The following SLC24A5 variants were observed in gnomAD, a reference collection of about 807,000 sequenced individuals.
SLC24A5 encodes solute carrier family 24 member 5.
In SLC24A5, 46 loss-of-function variants were observed where a neutral mutation model predicts 51.6. That is an observed-to-expected ratio of 0.89 (90% CI 0.70 to 1.14). The LOEUF (loss-of-function observed/expected upper bound fraction) is 1.14. Among genes scored for constraint, SLC24A5 ranks in the 50% most tolerant of loss-of-function variants. The pLI, the probability that SLC24A5 is intolerant of heterozygous loss-of-function variation, is 0.00. For missense variants in SLC24A5, 581 were observed against 604.1 expected (o/e 0.96, Z 0.40); for synonymous variants, 230 against 214.9 (o/e 1.07, Z -0.62).
At chr15:48,126,057 G>A (rs1041961224) in intron 2 of SLC24A5, among the ~76,000 whole-genome samples, 2 of 152,118 alleles carry the variant, frequency 1.3e-5, no homozygotes, top group Non-Finnish European at 2.9e-5. Flanking sequence ...CTCTGGCAGG[G>A]CCCCCGCTCG....
chr15:48,121,135 T>C lies in SLC24A5; in HGVS notation c.91T>C (p.Ser31Pro). ...ATAHLPLSGT[S>P]LPQRLPRATG... ...TGCACATCTGCCTCTCTCAGGGACC[T>C]CCCTGCCCCAACGTCTCCCAAGGGC... is the stretch of plus-strand genomic sequence containing the variant. Residue 31 changes from serine (S) to proline (P), a missense_variant, in exon 1 of 9, where the codon TCC becomes CCC. By Grantham distance (74) the Ser-to-Pro change is moderately conservative. Coordinates refer to ENST00000341459, the MANE Select transcript of SLC24A5 (RefSeq NM_205850.3). The C allele has an allele frequency of 6.2e-7, 1 of 1,613,560 alleles. No individual in the cohort carries two copies. Among genetic ancestry groups the C allele is most frequent in the South Asian group, 1.1e-5 (1 of 91,030 alleles).
Position 48,139,160 on chromosome 15 carries a change from A to T in SLC24A5, c.1063A>T (p.Met355Leu). ...ISAFTYILVWMVTITGETLEI... is the reference protein window; with the variant it reads ...ISAFTYILVWLVTITGETLEI... ...CGCATTTACATATATCCTGGTTTGG[A>T]TGGTCACAATAACTGGTATGTATTT... Residue 355 changes from methionine to leucine, a missense_variant, in exon 7 of 9, where the codon ATG (methionine) becomes TTG (leucine). By Grantham distance (15) the Met-to-Leu change is conservative. Transcript: ENST00000341459. 6.2e-7 allele frequency: 1 copy of T among 1,611,464 alleles called. No homozygotes were observed. Among genetic ancestry groups the T allele is most frequent in the African/African-American group, 1.3e-5 (1 of 74,966 alleles).
chr15:48,138,788 C>A, intron 6 of SLC24A5, 181 bp from the exon 7 acceptor site: 1 of 572,928 alleles, frequency 1.7e-6, no homozygotes. Flanking sequence ...ACATTGTCTG[C>A]CCTAAAGTTT....
At chr15:48,121,410 T>C (rs1436863585) in intron 1 of SLC24A5, among the ~76,000 whole-genome samples, 2 of 152,204 alleles carry the variant, frequency 1.3e-5, no homozygotes. Context: ...TGGAGACTTT[T>C]TGGTGAAAAC....
At chr15:48,141,380 C>A in intron 8 of SLC24A5, 166 bp downstream of exon 8, 1 of 473,784 alleles carries the variant, frequency 2.1e-6, no homozygotes, top group East Asian at 4.0e-5. Context: ...AGTTTGAGAC[C>A]AGCCTGACCA....
chr15:48,125,624 T>C (rs185586143), intron 2 of SLC24A5, among the ~76,000 whole-genome samples: 10 of 152,338 alleles, frequency 6.6e-5, no homozygotes, highest in African/African-American at 1.9e-4. Flanking sequence ...CCACAGTTAC[T>C]ATGGAGGAAG....
Position 48,122,044 on chromosome 15 carries a change from G to A in SLC24A5, c.301+8G>A. The stretch of plus-strand genomic sequence containing the variant: ...TGGAAATCATCAGTGAATGTAAGTG[G>A]CTGGAAAGTTGCCCTGTAACCTTCT... On this transcript the variant is annotated splice_region_variant and intron_variant, in intron 2 of 8. Coordinates refer to ENST00000341459, the MANE Select transcript of SLC24A5 (RefSeq NM_205850.3). 1 of 1,614,068 alleles carries A rather than the reference G, an allele frequency of 6.2e-7. No individual in the cohort carries two copies. Among genetic ancestry groups the A allele is most frequent in the East Asian group, 2.2e-5 (1 of 44,890 alleles).
At chr15:48,140,089 CTTTT>C (rs747308972) in intron 7 of SLC24A5, 2 of 151,720 alleles carry the variant, frequency 1.3e-5, no homozygotes, top group Non-Finnish European at 2.9e-5. Context: ...CTACTTCTTC[CTTTT>C]TTTAATGAGA....
chr15:48,136,434 T>A (rs2038900859), intron 5 of SLC24A5: 1 of 335,356 alleles, frequency 3.0e-6, no homozygotes, highest in African/African-American at 2.1e-5. Flanking sequence ...AATCTACAAG[T>A]AAAAACGAGT....
At chr15:48,128,654 G>C (rs1227154195) in intron 2 of SLC24A5, among the ~76,000 whole-genome samples, 1 of 152,088 alleles carries the variant, frequency 6.6e-6, no homozygotes, top group African/African-American at 2.4e-5. Flanking sequence ...CTTTACTAAA[G>C]AACAAAGAAT....
At chr15:48,128,130 TG>T (rs541300119) in intron 2 of SLC24A5, among the ~76,000 whole-genome samples, 1 of 152,102 alleles carries the variant, frequency 6.6e-6, no homozygotes, top group South Asian at 2.1e-4. Flanking sequence ...TGATATGTAA[TG>T]GGGATCTCAG....
Position 48,121,133 on chromosome 15 carries a change from C to T in SLC24A5, c.89C>T (p.Thr30Ile), listed in dbSNP as rs754347033. The change falls in exon 1 of 9, where the codon ACC becomes ATC. Residue 30 changes from threonine to isoleucine, a missense_variant. Coordinates refer to ENST00000341459, the MANE Select transcript of SLC24A5 (RefSeq NM_205850.3). ...ACTGCACATCTGCCTCTCTCAGGGACCTCCCTGCCCCAACGTCTCCCAAGG... is the reference window on the plus strand; with the variant it reads ...ACTGCACATCTGCCTCTCTCAGGGATCTCCCTGCCCCAACGTCTCCCAAGG... ...WATAHLPLSG[T>I]SLPQRLPRAT... The T allele has an allele frequency of 3.7e-6, 6 of 1,613,508 alleles. No individual in the cohort carries two copies. The Admixed American group carries it at 5.0e-5, about 13-fold the overall frequency.
At chr15:48,141,929 T>C in intron 8 of SLC24A5, 100 bp from the exon 9 acceptor site, 2 of 925,784 alleles carry the variant, frequency 2.2e-6, no homozygotes, top group Middle Eastern at 2.4e-4. Flanking sequence ...TCAAAACGAA[T>C]CAACAACAAA....
rs768396473 is a variant in SLC24A5 at position 48,121,189 on chromosome 15, A to G, written c.121+24A>G. 3.2e-6 allele frequency: 5 copies of G among 1,585,864 alleles called. No individual in the cohort carries two copies. The East Asian group carries it at 1.1e-4, about 36-fold the overall frequency. On this transcript the variant is annotated intron_variant, in intron 1 of 8. Coordinates refer to ENST00000341459, the MANE Select transcript of SLC24A5 (RefSeq NM_205850.3). ...AGGTAGGTGGACATTGGGGTCAGTT[A>G]GCTCTGCAGCAGCAGCTGCTGCTGC...
chr15:48,142,090 T>C lies in SLC24A5; in HGVS notation c.1242T>C (p.Leu414=). The part of the protein sequence containing the change: ...VGSNVFDMLC[L]GIPWFIKTAF... ...CCAATGTGTTTGATATGTTGTGCCT[T>C]GGTATTCCATGGTTTATTAAAACTG... Residue 414 remains leucine, a synonymous_variant, in exon 9 of 9, where the codon CTT becomes CTC. Transcript: ENST00000341459. 6.2e-7 allele frequency: 1 copy of C among 1,613,912 alleles called. No homozygotes were observed. Among genetic ancestry groups the C allele is most frequent in the Non-Finnish European group, 8.5e-7 (1 of 1,179,886 alleles).
chr15:48,129,365 C>G (rs2038765522), intron 2 of SLC24A5, among the ~76,000 whole-genome samples: 1 of 152,036 alleles, frequency 6.6e-6, no homozygotes, highest in African/African-American at 2.4e-5. Context: ...ATTTCAGAAC[C>G]AGTTTTGCAA....
chr15:48,132,781 T>C (rs1299661803), intron 2 of SLC24A5, among the ~76,000 whole-genome samples: 3 of 152,076 alleles, frequency 2.0e-5, no homozygotes, highest in Non-Finnish European at 4.4e-5. Context: ...TATTTCTATA[T>C]GGGCTTTTCA....
At chr15:48,133,305 C>G (rs2038815811) in intron 2 of SLC24A5, among the ~76,000 whole-genome samples, 1 of 152,120 alleles carries the variant, frequency 6.6e-6, no homozygotes, top group African/African-American at 2.4e-5. Flanking sequence ...CCTCTATTAG[C>G]TAGTTTTTAG....
intron 2 of SLC24A5, among the ~76,000 whole-genome samples, chr15:48,133,506 A>G (rs1459167078): frequency 1.3e-5 from 2 of 152,154 alleles, no homozygotes; most frequent in Non-Finnish European, 2.9e-5. Context: ...GGTGGATAGA[A>G]ACAAACTGTA....
Sources: allele counts gnomAD v4.1 joint callset (sites outside exome capture counted in the v4.1 genomes callset), GRCh38; gene constraint gnomAD v4.1.1; transcripts MANE v1.5; gene names NCBI Gene and HGNC (gene_info 2026-07-23, HGNC 2026-07-21).